PLCG2: variants seen among roughly 807,000 people sequenced by gnomAD.
PLCG2 encodes the protein phospholipase C gamma 2, also known as 1-phosphatidylinositol 4,5-bisphosphate phosphodiesterase gamma-2.
PLCG2 carries 69 observed loss-of-function variants against 175.6 expected under a neutral mutation model. That is an observed-to-expected ratio of 0.39 (90% CI 0.32 to 0.48). PLCG2 has a LOEUF of 0.48. Ranked by LOEUF, PLCG2 falls within the 20% of genes least tolerant of loss-of-function variation. PLCG2 has a pLI of 0.91. For missense variants in PLCG2, 1,798 were observed against 1,650.9 expected, an observed-to-expected ratio of 1.09 and a Z score of -1.54; for synonymous variants, 827 against 624.0, an observed-to-expected ratio of 1.33 and a Z score of -4.85.
At chr16:81,870,995 T>C in intron 7 of PLCG2, 60 bp downstream of exon 7, 1 of 907,052 alleles carries the variant, frequency 1.1e-6, no homozygotes, top group Non-Finnish European at 1.7e-6. Flanking sequence ...TATTTCCAAG[T>C]CTGGCATGTT....
intron 2 of PLCG2, among the ~76,000 whole-genome samples, chr16:81,828,300 C>T (rs975774925): frequency 1.7e-5 from 2 of 120,714 alleles, no homozygotes; most frequent in African/African-American, 3.2e-5. Flanking sequence ...GGCTGGAATG[C>T]AGTGGTGTGA....
intron 2 of PLCG2, among the ~76,000 whole-genome samples, chr16:81,808,540 C>G (rs1258464232): frequency 6.6e-6 from 1 of 152,088 alleles, no homozygotes; most frequent in Non-Finnish European, 1.5e-5. Context: ...GTCGCCCAGG[C>G]TGGAGTGCGG....
intron 2 of PLCG2, among the ~76,000 whole-genome samples, chr16:81,830,328 C>G (rs750810503): frequency 1.3e-4 from 20 of 152,076 alleles, no homozygotes; most frequent in Non-Finnish European, 2.4e-4. Context: ...TTTCTTGAGA[C>G]AGAGTCTTGC....
intron 2 of PLCG2, among the ~76,000 whole-genome samples, chr16:81,815,209 T>G (rs1444753210): frequency 2.0e-5 from 3 of 152,136 alleles, no homozygotes; most frequent in African/African-American, 7.2e-5. Context: ...GGGAGGAGGT[T>G]TTATTGCATA....
At chr16:81,780,106 C>T (rs1293055632) in intron 1 of PLCG2, among the ~76,000 whole-genome samples, 2 of 151,968 alleles carry the variant, frequency 1.3e-5, no homozygotes, top group Non-Finnish European at 2.9e-5. Context: ...TGGGGCGGGG[C>T]TCTCTTGGTA....
intron 7 of PLCG2, among the ~76,000 whole-genome samples, chr16:81,878,429 A>G (rs58297070): frequency 0.016 from 2,388 of 152,300 alleles, 27 homozygotes; most frequent in South Asian, 0.028. Context: ...GGACTTGGAC[A>G]TATATTCCCG....
rs1473196825 is a variant in PLCG2 at position 81,739,380 on chromosome 16, A to G, written c.-150A>G. On this transcript the variant is annotated 5_prime_UTR_variant, in exon 1 of 6. Transcript: ENST00000565054. Reference sequence around the variant, plus strand: ...CCAACTTGCGCTTGTGGCAGTGGCAAGGTTGGTGAGTATCTGAGTCTTCAG... The same window carrying G: ...CCAACTTGCGCTTGTGGCAGTGGCAGGGTTGGTGAGTATCTGAGTCTTCAG... The G allele has an allele frequency of 5.9e-5, 9 of 152,184 alleles. No homozygotes were observed. The East Asian group carries it at 1.4e-3, about 23-fold the overall frequency. The allele number at this position is 152,184 out of a possible 1,614,324, so 9.4% of individuals were successfully genotyped here.
At chr16:81,859,275 G>A (rs570023089) in intron 5 of PLCG2, 112 bp downstream of exon 5, 18 of 716,322 alleles carry the variant, frequency 2.5e-5, no homozygotes, top group African/African-American at 5.3e-5. Context: ...TCCTCACTGC[G>A]TCCATTGTGA....
At chr16:81,927,492 G>T (rs1004222810) in intron 23 of PLCG2, among the ~76,000 whole-genome samples, 1 of 152,228 alleles carries the variant, frequency 6.6e-6, no homozygotes, top group South Asian at 2.1e-4. Context: ...ACTTGCAGAT[G>T]AAACACATTT....
chr16:81,848,265 A>G (rs988362199), intron 2 of PLCG2, among the ~76,000 whole-genome samples: 6 of 152,204 alleles, frequency 3.9e-5, no homozygotes, highest in Non-Finnish European at 8.8e-5. Flanking sequence ...GAATAAGCTA[A>G]TACTTGTCTT....
chr16:81,860,175 T>A (rs11649130), intron 5 of PLCG2, among the ~76,000 whole-genome samples: 25,639 of 88,672 alleles, frequency 0.29, 2,383 homozygotes, highest in East Asian at 0.4. Context: ...TATTATTATT[T>A]TTTTTTTTTT....
intron 2 of PLCG2, among the ~76,000 whole-genome samples, chr16:81,829,221 G>C (rs1026381625): frequency 8.5e-5 from 13 of 152,194 alleles, no homozygotes; most frequent in Non-Finnish European, 1.8e-4. Flanking sequence ...CGATTCTCCT[G>C]CCTCAGCCTC....
chr16:81,851,735 A>T (rs967645126), intron 2 of PLCG2, among the ~76,000 whole-genome samples: 2 of 152,184 alleles, frequency 1.3e-5, no homozygotes, highest in African/African-American at 4.8e-5. Flanking sequence ...CTGGTCTCGA[A>T]TTCCTGACCT....
At chr16:81,774,366 A>G (rs141569551), upstream of PLCG2, among the ~76,000 whole-genome samples, 497 of 151,870 alleles carry the variant, frequency 3.3e-3, 3 homozygotes, top group African/African-American at 0.011. Flanking sequence ...CCACAAAACC[A>G]TTAAACCGGG....
intron 12 of PLCG2, 36 bp from the exon 13 acceptor site, chr16:81,895,771 C>G (rs368453849): frequency 2.7e-5 from 43 of 1,613,062 alleles, no homozygotes; most frequent in Admixed American, 6.7e-5. Context: ...TCAGTGAACA[C>G]ACGTGGTATT....
intron 30 of PLCG2, among the ~76,000 whole-genome samples, chr16:81,944,692 T>G (rs1002805443): frequency 4.6e-5 from 7 of 152,148 alleles, no homozygotes; most frequent in African/African-American, 1.4e-4. Flanking sequence ...CCTAGGCTAG[T>G]CTTGAATTCC....
intron 17 of PLCG2, 36 bp from the exon 18 acceptor site, chr16:81,910,484 C>A: frequency 6.3e-7 from 1 of 1,598,816 alleles, no homozygotes; most frequent in Non-Finnish European, 8.6e-7. Context: ...GCCTGGCCTG[C>A]GTTCTCCCAG....
At chr16:81,887,386 T>C (rs1205541251) in intron 9 of PLCG2, among the ~76,000 whole-genome samples, 3 of 152,190 alleles carry the variant, frequency 2.0e-5, no homozygotes, top group Admixed American at 6.5e-5. Context: ...CCCAAAGTGC[T>C]AGGATTACAG....
chr16:81,879,178 A>T (rs1300270411), intron 7 of PLCG2, among the ~76,000 whole-genome samples: 2 of 152,302 alleles, frequency 1.3e-5, no homozygotes, highest in African/African-American at 4.8e-5. Context: ...GGGGGGCCAC[A>T]CACTGGGCTC....
Sources: gnomAD v4.1 joint callset for allele counts (sites outside exome capture counted in the v4.1 genomes callset) on GRCh38, gnomAD v4.1.1 for gene constraint, MANE v1.5 for transcripts, NCBI Gene and HGNC (gene_info 2026-07-23, HGNC 2026-07-21) for gene names.